ATP10B: variants seen among roughly 807,000 people sequenced by gnomAD.
The protein encoded by ATP10B is phospholipid-transporting ATPase VB.
Under a neutral mutation model 141.2 loss-of-function variants are expected in ATP10B, and 122 were observed. The ratio of observed to expected loss-of-function variants is 0.86; its 90% confidence interval spans 0.75 to 1.00. ATP10B has a LOEUF of 1.00. Ranked by LOEUF, ATP10B falls within the 50% of genes least tolerant of loss-of-function variation. The pLI, the probability that ATP10B is intolerant of heterozygous loss-of-function variation, is 0.00. For missense variants in ATP10B, 1,876 were observed against 1,825.3 expected (o/e 1.03, Z -0.51); for synonymous variants, 685 against 692.0 (o/e 0.99, Z 0.16).
chr5:160,823,207 C>A (rs1178963380), intron 1 of ATP10B, among the ~76,000 whole-genome samples: 1 of 151,222 alleles, frequency 6.6e-6, no homozygotes, highest in Admixed American at 6.6e-5. Flanking sequence ...TACTATACAG[C>A]CATAAAAAGG....
intron 1 of ATP10B, among the ~76,000 whole-genome samples, chr5:160,825,040 T>C (rs369571904): frequency 1.3e-5 from 2 of 152,202 alleles, no homozygotes; most frequent in Non-Finnish European, 2.9e-5. Flanking sequence ...GGGACTTTAA[T>C]TCACCTTTTT....
intron 21 of ATP10B, among the ~76,000 whole-genome samples, chr5:160,601,251 C>T (rs930085876): frequency 6.6e-6 from 1 of 152,110 alleles, no homozygotes; most frequent in African/African-American, 2.4e-5. Flanking sequence ...GAAAGTCATT[C>T]CTGAGCAAAG....
intron 7 of ATP10B, among the ~76,000 whole-genome samples, chr5:160,656,455 T>C (rs762418373): frequency 2.0e-5 from 3 of 152,206 alleles, no homozygotes; most frequent in Non-Finnish European, 4.4e-5. Context: ...GATTGGTAGA[T>C]TAAGCTACTG....
At chr5:160,781,698 A>C (rs376054971) in intron 2 of ATP10B, among the ~76,000 whole-genome samples, 1 of 152,188 alleles carries the variant, frequency 6.6e-6, no homozygotes. Context: ...TCCATTTTGC[A>C]ATCTATAGAA....
intron 2 of ATP10B, among the ~76,000 whole-genome samples, chr5:160,770,384 C>A (rs765320911): frequency 1.3e-5 from 2 of 151,946 alleles, no homozygotes; most frequent in Non-Finnish European, 2.9e-5. Flanking sequence ...CTTGGAATTG[C>A]AAATATCTGA....
chr5:160,678,062 T>A (rs1045739235), intron 6 of ATP10B, among the ~76,000 whole-genome samples: 1 of 152,216 alleles, frequency 6.6e-6, no homozygotes, highest in South Asian at 2.1e-4. Context: ...TGTTCAAGTG[T>A]GCTGTGGCCA....
At chr5:160,863,865 G>A in the ATP10B span, among the ~76,000 whole-genome samples, 2 of 151,814 alleles carry the variant, frequency 1.3e-5, no homozygotes, top group African/African-American at 2.4e-5. Flanking sequence ...ATAAGTTCCT[G>A]GAAATATGCA....
intron 19 of ATP10B, 92 bp downstream of exon 19, chr5:160,606,673 C>A: frequency 7.7e-7 from 1 of 1,298,816 alleles, no homozygotes; most frequent in South Asian, 1.4e-5. Context: ...CCTAAGCATT[C>A]TGACTTTGAG....
intron 22 of ATP10B, among the ~76,000 whole-genome samples, chr5:160,595,293 T>A (rs1195019125): frequency 6.6e-6 from 1 of 152,018 alleles, no homozygotes; most frequent in Non-Finnish European, 1.5e-5. Flanking sequence ...GAATGACTAC[T>A]GGGTACATAA....
chr5:160,826,106 T>TG lies in ATP10B; in HGVS notation c.-576+25834dup, dbSNP rs1774583559. Among the ~76,000 whole-genome samples, 3 of 152,306 alleles carry TG rather than the reference T, an allele frequency of 2.0e-5. No individual in the cohort carries two copies. The South Asian group carries it at 6.2e-4, about 32-fold the overall frequency. ...CATGTCTTTGTTATTGTGAGTAGCA[T>TG]GGCAATGAACATATGAGTGTATGTG... is the stretch of plus-strand genomic sequence containing the variant. On this transcript the variant is annotated intron_variant, in intron 1 of 25. Coordinates refer to ENST00000327245, the MANE Select transcript of ATP10B (RefSeq NM_025153.3).
chr5:160,608,112 T>G (rs911289505), intron 18 of ATP10B, among the ~76,000 whole-genome samples: 1 of 152,002 alleles, frequency 6.6e-6, no homozygotes, highest in African/African-American at 2.4e-5. Context: ...CGGTGTCTGA[T>G]GTTCCCCCAC....
intron 24 of ATP10B, among the ~76,000 whole-genome samples, 191 bp downstream of exon 24, chr5:160,589,401 G>A (rs1756125708): frequency 6.6e-6 from 1 of 152,214 alleles, no homozygotes; most frequent in African/African-American, 2.4e-5. Flanking sequence ...CTGGCTAGAT[G>A]AAAAGCAAGT....
chr5:160,873,958 A>AG, the ATP10B span, among the ~76,000 whole-genome samples: 1 of 152,184 alleles, frequency 6.6e-6, no homozygotes, highest in African/African-American at 2.4e-5. Flanking sequence ...AGGCTGGGGG[A>AG]GGGGCGCCTG....
At chr5:160,622,100 T>C (rs1758379294) in intron 14 of ATP10B, among the ~76,000 whole-genome samples, 6 of 152,206 alleles carry the variant, frequency 3.9e-5, no homozygotes, top group Admixed American at 3.3e-4. Flanking sequence ...GAGCCTGGCA[T>C]AAAGCCAAGT....
Position 160,653,764 on chromosome 5 carries a change from TAATA to T in ATP10B, c.676-4512_676-4509del, listed in dbSNP as rs1561706377. Among the ~76,000 whole-genome samples, 328 of 106,426 alleles carry T rather than the reference TAATA, an allele frequency of 3.1e-3. 11 individuals are homozygous for T. The highest frequency in any genetic ancestry group is 0.011 in the African/African-American group (304 of 27,628). 69.8% of individuals were successfully genotyped at this position (106,426 alleles called of 152,430 possible). A position where few individuals can be genotyped will look rare whatever the true frequency, so the allele number is the denominator to read the frequency against. Reference sequence around the variant, plus strand: ...TATATTACATATACATAAATATATATAATATATACATATATACATATATATTATA... The same window carrying T: ...TATATTACATATACATAAATATATATTATACATATATACATATATATTATA... On this transcript the variant is annotated intron_variant, in intron 7 of 25. Coordinates refer to ENST00000327245, the MANE Select transcript of ATP10B (RefSeq NM_025153.3).
intron 2 of ATP10B, among the ~76,000 whole-genome samples, chr5:160,750,901 T>G (rs1426868854): frequency 2.0e-5 from 3 of 152,166 alleles, no homozygotes; most frequent in African/African-American, 7.2e-5. Flanking sequence ...CAACCAGAAA[T>G]GCCCCAGGAC....
chr5:160,763,198 C>G (rs1769170940), intron 2 of ATP10B, among the ~76,000 whole-genome samples: 1 of 151,930 alleles, frequency 6.6e-6, no homozygotes. Context: ...TAAACTATAC[C>G]CTAGAACAAA....
chr5:160,742,681 G>C (rs2127809055), intron 2 of ATP10B, among the ~76,000 whole-genome samples: 1 of 152,306 alleles, frequency 6.6e-6, no homozygotes. Context: ...AAGGAAAGCT[G>C]AATAGAGCAG....
chr5:160,834,755 T>A (rs1294371110), intron 1 of ATP10B, among the ~76,000 whole-genome samples: 1 of 152,154 alleles, frequency 6.6e-6, no homozygotes, highest in Non-Finnish European at 1.5e-5. Flanking sequence ...CCTTGTGGTA[T>A]ACGTTTCTTC....
Sources: gnomAD v4.1 joint callset for allele counts (sites outside exome capture counted in the v4.1 genomes callset) on GRCh38, gnomAD v4.1.1 for gene constraint, MANE v1.5 for transcripts, NCBI Gene and HGNC (gene_info 2026-07-23, HGNC 2026-07-21) for gene names.